The following CNTNAP2 variants were observed in gnomAD, a reference collection of about 807,000 sequenced individuals.
The protein encoded by CNTNAP2 is contactin-associated protein-like 2.
In CNTNAP2, 98 loss-of-function variants were observed where a neutral mutation model predicts 155.2. That is an observed-to-expected ratio of 0.63 (90% CI 0.54 to 0.75). The LOEUF is 0.75. CNTNAP2 is among the 30% of genes least tolerant of loss of function. The probability of loss-of-function intolerance (pLI) is 0.00; values close to 1 mark genes in which losing one functional copy is unlikely to be tolerated. For synonymous variants in CNTNAP2, 651 were observed against 631.2 expected (o/e 1.03, Z -0.47); for missense variants, 1,727 against 1,688.1 (o/e 1.02, Z -0.40).
chr7:148,290,012 C>T (rs1170713281), intron 21 of CNTNAP2, among the ~76,000 whole-genome samples: 2 of 152,108 alleles, frequency 1.3e-5, no homozygotes, highest in Non-Finnish European at 2.9e-5. Flanking sequence ...AATTGTAGCA[C>T]ATGTTCAAAT....
chr7:147,697,042 A>T (rs1175045829), intron 13 of CNTNAP2, among the ~76,000 whole-genome samples: 1 of 151,914 alleles, frequency 6.6e-6, no homozygotes, highest in Admixed American at 6.6e-5. Flanking sequence ...CTGTAGTTTG[A>T]TGTCTGCAAT....
At position 147,414,743 on chromosome 7, in the gene CNTNAP2, T is replaced by C. The variant is rs187255876; in HGVS notation, c.1670+18963T>C. On this transcript the variant is annotated intron_variant, in intron 10 of 23. Transcript: ENST00000361727. ...GATCACGAGGTCAGGAGATCGAGACTATCCTGGCTAACAAGGTGAAACCCC... is the reference window on the plus strand; with the variant it reads ...GATCACGAGGTCAGGAGATCGAGACCATCCTGGCTAACAAGGTGAAACCCC... Among the ~76,000 whole-genome samples the C allele has an allele frequency of 3.9e-3, 590 of 151,802 alleles. 2 individuals carry two copies. The highest frequency in any genetic ancestry group is 0.012 in the East Asian group (59 of 5,104).
intron 21 of CNTNAP2, among the ~76,000 whole-genome samples, chr7:148,314,832 C>T (rs914275034): frequency 1.3e-5 from 2 of 152,150 alleles, no homozygotes. Flanking sequence ...AGGCAGGCGT[C>T]CCCATGTGAT....
intron 8 of CNTNAP2, among the ~76,000 whole-genome samples, chr7:147,138,620 A>C (rs1801535944): frequency 6.6e-6 from 1 of 151,968 alleles, no homozygotes; most frequent in African/African-American, 2.4e-5. Flanking sequence ...CATCAATAGA[A>C]GCATTATAGT....
chr7:148,191,175 C>T (rs1212183826), intron 18 of CNTNAP2, among the ~76,000 whole-genome samples: 1 of 152,180 alleles, frequency 6.6e-6, no homozygotes, highest in East Asian at 1.9e-4. Flanking sequence ...GGACTCCACC[C>T]TCATGAATGG....
intron 1 of CNTNAP2, among the ~76,000 whole-genome samples, chr7:146,706,046 G>C (rs139764287): frequency 1.1e-4 from 17 of 152,192 alleles, no homozygotes; most frequent in African/African-American, 2.6e-4. Flanking sequence ...TGGATGTCTT[G>C]TGCATTGTAG....
In CNTNAP2 at chr7:146,973,457, C is replaced by T. The variant is rs142113342; in HGVS notation, c.403-70450C>T. 4.6e-5 allele frequency among the ~76,000 whole-genome samples: 7 copies of T among 152,280 alleles called. No individual in the cohort carries two copies. In the South Asian group the frequency reaches 6.2e-4, roughly 14 times the overall value. ...TTAGCCAGTATTATTGTAAGATGTA[C>T]GATAACCTCCTTTGCAATTTTATTT... is the stretch of plus-strand genomic sequence containing the variant. On this transcript the variant is annotated intron_variant, in intron 3 of 23. Coordinates refer to ENST00000361727, the MANE Select transcript of CNTNAP2 (RefSeq NM_014141.6).
At chr7:146,385,362 G>T (rs572580578) in intron 1 of CNTNAP2, among the ~76,000 whole-genome samples, 3 of 152,042 alleles carry the variant, frequency 2.0e-5, no homozygotes, top group South Asian at 4.2e-4. Flanking sequence ...ATAATCTTGG[G>T]TTTATCTTGG....
chr7:147,647,337 AAGAG>A (rs1307840968), intron 13 of CNTNAP2, among the ~76,000 whole-genome samples: 4 of 151,798 alleles, frequency 2.6e-5, no homozygotes, highest in Non-Finnish European at 5.9e-5. Flanking sequence ...GTCAGAGATA[AAGAG>A]AGACTCCACT....
intron 21 of CNTNAP2, among the ~76,000 whole-genome samples, chr7:148,371,025 A>ACTGATCACCTCTCTGGGGTATG (rs1798877851): frequency 6.6e-6 from 1 of 152,112 alleles, no homozygotes; most frequent in Non-Finnish European, 1.5e-5. Context: ...TCTGTCCAGA[A>ACTGATCACCTCTCTGGGGTATG]CTGATCACCT....
chr7:146,479,483 A>C (rs958113357), intron 1 of CNTNAP2, among the ~76,000 whole-genome samples: 11 of 152,152 alleles, frequency 7.2e-5, no homozygotes, highest in Admixed American at 7.2e-4. Context: ...TATGAATTTA[A>C]AACAGTTGCT....
chr7:147,361,794 TTGAG>T (rs1373205652), intron 9 of CNTNAP2, among the ~76,000 whole-genome samples: 1 of 152,202 alleles, frequency 6.6e-6, no homozygotes, highest in East Asian at 1.9e-4. Context: ...GATAAACTTA[TTGAG>T]TAAGATAGTC....
At chr7:147,398,238 C>G (rs1796852623) in intron 10 of CNTNAP2, among the ~76,000 whole-genome samples, 1 of 151,964 alleles carries the variant, frequency 6.6e-6, no homozygotes, top group Non-Finnish European at 1.5e-5. Flanking sequence ...ATGATACACC[C>G]CTAGCACATC....
chr7:146,826,817 TAAGA>T (rs1803409334), intron 2 of CNTNAP2, among the ~76,000 whole-genome samples: 1 of 149,414 alleles, frequency 6.7e-6, no homozygotes, highest in East Asian at 2.0e-4. Flanking sequence ...AAATAATTTT[TAAGA>T]ATGAATGAAT....
At chr7:146,513,053 T>A (rs1797491056) in intron 1 of CNTNAP2, among the ~76,000 whole-genome samples, 1 of 151,986 alleles carries the variant, frequency 6.6e-6, no homozygotes, top group Non-Finnish European at 1.5e-5. Context: ...CTTCTTTGTG[T>A]CTTTTTACAG....
intron 1 of CNTNAP2, among the ~76,000 whole-genome samples, chr7:146,442,444 G>A (rs1036713602): frequency 6.6e-6 from 1 of 152,134 alleles, no homozygotes; most frequent in East Asian, 1.9e-4. Context: ...GGGTGTGTGT[G>A]TGTGTGCGTG....
chr7:147,228,319 GT>G (rs1334296460), intron 8 of CNTNAP2, among the ~76,000 whole-genome samples: 1 of 152,170 alleles, frequency 6.6e-6, no homozygotes, highest in Non-Finnish European at 1.5e-5. Context: ...AAAGAAACGT[GT>G]TTGTATGATA....
intron 1 of CNTNAP2, among the ~76,000 whole-genome samples, chr7:146,331,811 A>G (rs1205118432): frequency 2.0e-5 from 3 of 152,234 alleles, no homozygotes; most frequent in Admixed American, 6.5e-5. Context: ...AACTGGTCAC[A>G]CAGATAATGC....
At chr7:147,982,957 G>A (rs1801556121) in intron 15 of CNTNAP2, among the ~76,000 whole-genome samples, 1 of 147,812 alleles carries the variant, frequency 6.8e-6, no homozygotes, top group Admixed American at 7.0e-5. Context: ...GGTGGAAGTT[G>A]CAGTGAGCCA....
Sources: gnomAD v4.1 joint callset for allele counts (sites outside exome capture counted in the v4.1 genomes callset) on GRCh38, gnomAD v4.1.1 for gene constraint, MANE v1.5 for transcripts, NCBI Gene and HGNC (gene_info 2026-07-23, HGNC 2026-07-21) for gene names.